The following LY75 variants were observed in gnomAD, a reference collection of about 807,000 sequenced individuals.
The protein encoded by LY75 is lymphocyte antigen 75, also known as C-type lectin domain family 13 member B.
Under a neutral mutation model 231.7 loss-of-function variants are expected in LY75, and 185 were observed. The observed-to-expected ratio is 0.80, with a 90% CI of 0.71 to 0.90. LY75 has a LOEUF of 0.90. Among genes scored for constraint, LY75 ranks in the 40% least tolerant of loss-of-function variants. LY75 has a pLI of 0.00. For missense variants in LY75, 1,947 were observed against 2,050.2 expected (o/e 0.95, Z 0.97); for synonymous variants, 668 against 689.0 (o/e 0.97, Z 0.48).
At chr2:159,818,822 GA>G (rs1683200221) in intron 29 of LY75, among the ~76,000 whole-genome samples, 1 of 151,568 alleles carries the variant, frequency 6.6e-6, no homozygotes, top group African/African-American at 2.4e-5. Context: ...AAGAAAGAAA[GA>G]AATTGGAAAA....
intron 25 of LY75, among the ~76,000 whole-genome samples, chr2:159,836,482 C>T (rs898170321): frequency 1.1e-4 from 17 of 152,178 alleles, no homozygotes; most frequent in African/African-American, 3.6e-4. Flanking sequence ...TTGTGGGGTA[C>T]AGGCCTGTCT....
At chr2:159,815,854 C>T (rs2114631) in intron 30 of LY75, among the ~76,000 whole-genome samples, 55,110 of 151,836 alleles carry the variant, frequency 0.36, 10,691 homozygotes, top group Admixed American at 0.5. Context: ...ATGTGACACT[C>T]GAAATTAAAC....
chr2:159,821,212 A>G (rs547662472), intron 28 of LY75, among the ~76,000 whole-genome samples: 4 of 81,008 alleles, frequency 4.9e-5, no homozygotes, highest in Admixed American at 3.1e-4. Context: ...GGATATCCAC[A>G]TGTAAAAAAA....
intron 23 of LY75, among the ~76,000 whole-genome samples, chr2:159,846,178 G>A (rs1318068968): frequency 6.6e-6 from 1 of 151,622 alleles, no homozygotes; most frequent in East Asian, 1.9e-4. Flanking sequence ...CTGACAACAT[G>A]TATCATATAC....
chr2:159,845,927 T>A (rs903780524), intron 23 of LY75, among the ~76,000 whole-genome samples: 4 of 151,864 alleles, frequency 2.6e-5, no homozygotes, highest in African/African-American at 9.7e-5. Flanking sequence ...TAATATATGA[T>A]AAAAGAGGCA....
intron 11 of LY75, among the ~76,000 whole-genome samples, chr2:159,877,028 A>AAAAAG (rs35194763): frequency 0.068 from 7,567 of 111,698 alleles, 57 homozygotes; most frequent in South Asian, 0.17. Context: ...AAAAAAAAAA[A>AAAAAG]AAAAAAGAAA....
At position 159,904,750 on chromosome 2, in the gene LY75, G is replaced by T. The variant is rs1043892971; in HGVS notation, c.-68C>A. The T allele has an allele frequency of 9.0e-6, 12 of 1,337,658 alleles. No homozygotes were observed. Among genetic ancestry groups the T allele is most frequent in the Non-Finnish European group, 1.1e-5 (12 of 1,043,574 alleles). 82.9% of individuals were successfully genotyped at this position (1,337,658 alleles called of 1,614,324 possible). On this transcript the variant is annotated 5_prime_UTR_variant, in exon 1 of 35. Transcript: ENST00000263636. ...GCGGCTCCCGCCCCGCCTGCTGAGC[G>T]CGGCCTGCCCCGCCCGCACCTCTGT...
chr2:159,885,503 A>G (rs1290133235), intron 5 of LY75, among the ~76,000 whole-genome samples: 3 of 152,220 alleles, frequency 2.0e-5, no homozygotes, highest in Non-Finnish European at 4.4e-5. Flanking sequence ...AAGGGAAAAC[A>G]TCATGATATG....
intron 14 of LY75, among the ~76,000 whole-genome samples, chr2:159,864,252 A>C (rs1684793816): frequency 6.6e-6 from 1 of 151,918 alleles, no homozygotes; most frequent in Non-Finnish European, 1.5e-5. Context: ...ATGTAATCCC[A>C]TTTGTCTATT....
chr2:159,899,410 A>G (rs1686005807), intron 1 of LY75, among the ~76,000 whole-genome samples: 1 of 152,152 alleles, frequency 6.6e-6, no homozygotes, highest in South Asian at 2.1e-4. Flanking sequence ...AGTAGCATGT[A>G]TATTTGTTGT....
chr2:159,824,567 T>G (rs1360692901), intron 28 of LY75, among the ~76,000 whole-genome samples: 1 of 152,026 alleles, frequency 6.6e-6, no homozygotes, highest in Non-Finnish European at 1.5e-5. Flanking sequence ...AGACAGAAAA[T>G]TAACAAGGAT....
intron 23 of LY75, among the ~76,000 whole-genome samples, chr2:159,848,137 G>A (rs1247158593): frequency 1.6e-5 from 2 of 124,078 alleles, no homozygotes; most frequent in Non-Finnish European, 3.2e-5. Context: ...TATATATGGT[G>A]TGTATTTATA....
At chr2:159,826,196 T>A (rs901673069) in intron 28 of LY75, among the ~76,000 whole-genome samples, 20 of 152,170 alleles carry the variant, frequency 1.3e-4, no homozygotes, top group African/African-American at 4.8e-4. Flanking sequence ...TGATTGTATA[T>A]TTAGAAAGCC....
Position 159,842,347 on chromosome 2 carries a change from A to T in LY75, c.3178T>A (p.Cys1060Ser), listed in dbSNP as rs753148576. ...TTTTGGAGGTTGAGTATTAGGGCAC[A>T]GTGGTAGCGAGACTCTTCCTCAAAA... Reference protein sequence around the residue: ...NFFEEESRYHCALILNLQKSP... With the variant: ...NFFEEESRYHSALILNLQKSP... Residue 1060 changes from cysteine to serine, a missense_variant, in exon 24 of 35, where the codon TGT becomes AGT. Cys to Ser is a moderately radical substitution (Grantham distance 112, BLOSUM62 -1). Coordinates refer to ENST00000263636, the MANE Select transcript of LY75 (RefSeq NM_002349.4). 6.2e-7 allele frequency: 1 copy of T among 1,611,478 alleles called. No individual in the cohort carries two copies.
intron 25 of LY75, among the ~76,000 whole-genome samples, chr2:159,836,739 C>T (rs563246396): frequency 3.3e-5 from 5 of 152,336 alleles, no homozygotes; most frequent in South Asian, 2.1e-4. Context: ...GTAATCCTAG[C>T]CCCTAACCTA....
intron 5 of LY75, 32 bp from the exon 6 acceptor site, chr2:159,885,325 A>C: frequency 6.2e-7 from 1 of 1,601,596 alleles, no homozygotes; most frequent in South Asian, 1.1e-5. Flanking sequence ...AAGCATTAGA[A>C]TGAGAAAGTT....
In LY75 at chr2:159,815,510, G is replaced by C; in HGVS notation, c.4444C>G (p.Gln1482Glu). The change falls in exon 31 of 35, where the codon CAA (glutamine) becomes GAA (glutamate). Residue 1482 changes from glutamine to glutamate, a missense_variant. Gln to Glu is a conservative substitution (Grantham distance 29, BLOSUM62 2). Coordinates refer to ENST00000263636, the MANE Select transcript of LY75 (RefSeq NM_002349.4). ...AGAACACAATTTCCAGGAGATGTTT[G>C]GCCTTTCCATGGGATATAGTCAAAT... ...STFDYIPWKG[Q>E]TSPGNCVLLD... The C allele has an allele frequency of 3.7e-6, 6 of 1,613,744 alleles. No individual in the cohort carries two copies. Among genetic ancestry groups the C allele is most frequent in the Non-Finnish European group, 5.1e-6 (6 of 1,179,920 alleles).
chr2:159,873,812 A>C (rs1685093902), intron 12 of LY75, among the ~76,000 whole-genome samples: 1 of 133,344 alleles, frequency 7.5e-6, no homozygotes, highest in African/African-American at 2.6e-5. Context: ...ATATAGTAAA[A>C]ATACATATAA....
intron 16 of LY75, among the ~76,000 whole-genome samples, chr2:159,856,920 G>T (rs1415554940): frequency 1.3e-5 from 2 of 152,112 alleles, no homozygotes; most frequent in Non-Finnish European, 2.9e-5. Flanking sequence ...AGGAGGTGGG[G>T]GCAGCAGCTC....
Sources: allele counts gnomAD v4.1 joint callset (sites outside exome capture counted in the v4.1 genomes callset), GRCh38; gene constraint gnomAD v4.1.1; transcripts MANE v1.5; gene names NCBI Gene and HGNC (gene_info 2026-07-23, HGNC 2026-07-21).